NXPH2: variants seen among roughly 807,000 people sequenced by gnomAD.
NXPH2 encodes the protein neurexophilin 2.
Under a neutral mutation model 19.8 loss-of-function variants are expected in NXPH2, and 5 were observed. The observed-to-expected ratio is 0.25, with a 90% CI of 0.13 to 0.53. The LOEUF (loss-of-function observed/expected upper bound fraction) is 0.53. Among genes scored for constraint, NXPH2 ranks in the 20% least tolerant of loss-of-function variants. The probability of loss-of-function intolerance (pLI) is 0.96; values close to 1 mark genes in which losing one functional copy is unlikely to be tolerated. For missense variants in NXPH2, 289 were observed against 322.8 expected (o/e 0.90, Z 0.80); for synonymous variants, 154 against 127.4 (o/e 1.21, Z -1.41).
intron 1 of NXPH2, among the ~76,000 whole-genome samples, chr2:138,779,424 G>C (rs1202882476): frequency 1.3e-5 from 2 of 152,196 alleles, no homozygotes; most frequent in Non-Finnish European, 2.9e-5. Context: ...CGCGGGAAGA[G>C]AGAAGAGAGT....
chr2:138,779,432 A>G (rs1407217695), intron 1 of NXPH2, among the ~76,000 whole-genome samples: 5 of 152,108 alleles, frequency 3.3e-5, no homozygotes, highest in African/African-American at 1.2e-4. Context: ...GAGAGAAGAG[A>G]GTGACAACGC....
chr2:138,737,180 C>T (rs192737482), intron 1 of NXPH2, among the ~76,000 whole-genome samples: 2 of 152,230 alleles, frequency 1.3e-5, no homozygotes, highest in East Asian at 3.9e-4. Flanking sequence ...CTCCTGGTAC[C>T]AATTTGGTGT....
chr2:138,768,715 T>C (rs1682129025), intron 1 of NXPH2, among the ~76,000 whole-genome samples: 1 of 152,224 alleles, frequency 6.6e-6, no homozygotes. Context: ...TTTCTGTTGC[T>C]TGTGCACAAA....
At chr2:138,676,620 C>A (rs539975010) in intron 1 of NXPH2, among the ~76,000 whole-genome samples, 4 of 152,296 alleles carry the variant, frequency 2.6e-5, no homozygotes, top group Middle Eastern at 6.8e-3. Flanking sequence ...CCTACATCTC[C>A]TTTGCTGTTT....
At chr2:138,766,968 T>C (rs1682101531) in intron 1 of NXPH2, among the ~76,000 whole-genome samples, 3 of 152,246 alleles carry the variant, frequency 2.0e-5, no homozygotes, top group Non-Finnish European at 4.4e-5. Context: ...TTTGCATCTA[T>C]TTCTTAATTT....
intron 1 of NXPH2, among the ~76,000 whole-genome samples, chr2:138,717,002 A>T (rs1429603308): frequency 6.6e-6 from 1 of 152,176 alleles, no homozygotes; most frequent in Admixed American, 6.6e-5. Flanking sequence ...GATGGATAAG[A>T]TTATTCACTA....
At chr2:138,682,452 A>G (rs533330536) in intron 1 of NXPH2, among the ~76,000 whole-genome samples, 43 of 152,342 alleles carry the variant, frequency 2.8e-4, no homozygotes, top group African/African-American at 8.7e-4. Context: ...TGACAAAAAA[A>G]GAATGAAAAA....
chr2:138,698,033 T>C (rs1006725465), intron 1 of NXPH2, among the ~76,000 whole-genome samples: 3 of 152,130 alleles, frequency 2.0e-5, no homozygotes, highest in African/African-American at 7.2e-5. Context: ...AGTTCTTCAC[T>C]CTTTTGATGT....
intron 1 of NXPH2, among the ~76,000 whole-genome samples, chr2:138,755,217 T>G (rs1018488540): frequency 7.2e-5 from 11 of 152,134 alleles, no homozygotes; most frequent in African/African-American, 2.7e-4. Flanking sequence ...AGCTGTCAAT[T>G]TTTTCTTTCG....
At chr2:138,698,309 A>G (rs530214177) in intron 1 of NXPH2, among the ~76,000 whole-genome samples, 3 of 152,336 alleles carry the variant, frequency 2.0e-5, no homozygotes, top group Admixed American at 2.0e-4. Flanking sequence ...GAAATTGTAT[A>G]TAAAGTACTA....
intron 1 of NXPH2, among the ~76,000 whole-genome samples, chr2:138,676,273 C>CT (rs951250650): frequency 1.3e-4 from 20 of 152,320 alleles, no homozygotes; most frequent in African/African-American, 3.6e-4. Flanking sequence ...CCCCTCCCAA[C>CT]TTTCAGCCTT....
At chr2:138,724,320 A>C (rs1167808598) in intron 1 of NXPH2, among the ~76,000 whole-genome samples, 1 of 152,246 alleles carries the variant, frequency 6.6e-6, no homozygotes, top group Non-Finnish European at 1.5e-5. Context: ...GGAATGTTGC[A>C]TCCATTTAGC....
intron 1 of NXPH2, among the ~76,000 whole-genome samples, chr2:138,685,669 A>G (rs561222696): frequency 2.2e-4 from 34 of 152,328 alleles, no homozygotes; most frequent in Non-Finnish European, 4.3e-4. Context: ...AGTGTTGAAT[A>G]TCTTATGTAA....
intron 1 of NXPH2, among the ~76,000 whole-genome samples, chr2:138,772,091 G>A (rs1682187749): frequency 1.3e-5 from 2 of 152,020 alleles, no homozygotes; most frequent in Non-Finnish European, 2.9e-5. Context: ...TAGAAAACCA[G>A]GGTTTAGCAG....
intron 1 of NXPH2, among the ~76,000 whole-genome samples, chr2:138,677,874 T>C (rs951685597): frequency 3.3e-5 from 5 of 152,212 alleles, no homozygotes; most frequent in Admixed American, 1.3e-4. Flanking sequence ...AGAGTTCCCA[T>C]AGACCCTGCA....
intron 1 of NXPH2, among the ~76,000 whole-genome samples, chr2:138,772,143 T>G (rs1682188758): frequency 6.6e-6 from 1 of 152,106 alleles, no homozygotes; most frequent in Admixed American, 6.6e-5. Flanking sequence ...ATCTTTTCCA[T>G]CTGGAGTGGT....
At chr2:138,713,029 T>C (rs1681128706) in intron 1 of NXPH2, among the ~76,000 whole-genome samples, 1 of 152,234 alleles carries the variant, frequency 6.6e-6, no homozygotes, top group Non-Finnish European at 1.5e-5. Context: ...ATCTTCTGAA[T>C]GAAGAAATAA....
intron 1 of NXPH2, among the ~76,000 whole-genome samples, chr2:138,724,978 C>T (rs1029459152): frequency 6.6e-6 from 1 of 152,164 alleles, no homozygotes; most frequent in Non-Finnish European, 1.5e-5. Context: ...ACTGAGCTCT[C>T]CCTTATTCTG....
intron 1 of NXPH2, among the ~76,000 whole-genome samples, chr2:138,748,335 T>C (rs1041492855): frequency 6.6e-6 from 1 of 152,198 alleles, no homozygotes; most frequent in African/African-American, 2.4e-5. Flanking sequence ...TGAAAGCTCA[T>C]TAGGTGTTAA....
Sources: gnomAD v4.1 joint callset for allele counts (sites outside exome capture counted in the v4.1 genomes callset) on GRCh38, gnomAD v4.1.1 for gene constraint, MANE v1.5 for transcripts, NCBI Gene and HGNC (gene_info 2026-07-23, HGNC 2026-07-21) for gene names.